MOB3B: variants seen among roughly 807,000 people sequenced by gnomAD.
MOB3B encodes the protein MOB kinase activator-like 2B.
In MOB3B, 7 loss-of-function variants were observed where a neutral mutation model predicts 18.7. The ratio of observed to expected loss-of-function variants is 0.37; its 90% confidence interval spans 0.21 to 0.70. MOB3B has a LOEUF of 0.70. Ranked by LOEUF, MOB3B falls within the 30% of genes least tolerant of loss-of-function variation. The pLI is 0.52. For synonymous variants in MOB3B, 111 were observed against 99.9 expected, an observed-to-expected ratio of 1.11 and a Z score of -0.66; for missense variants, 253 against 281.3, an observed-to-expected ratio of 0.90 and a Z score of 0.72.
chr9:27,430,644 G>T (rs1822404249), intron 2 of MOB3B, among the ~76,000 whole-genome samples: 1 of 152,076 alleles, frequency 6.6e-6, no homozygotes. Flanking sequence ...TAACTGAAAA[G>T]TTAAAGCCAA....
intron 1 of MOB3B, among the ~76,000 whole-genome samples, chr9:27,466,019 C>A (rs564625992): frequency 1.3e-5 from 2 of 152,330 alleles, no homozygotes; most frequent in Admixed American, 6.5e-5. Flanking sequence ...TAACATTAGG[C>A]TCCTTGCTCC....
At chr9:27,356,726 T>A (rs1308432683) in intron 3 of MOB3B, among the ~76,000 whole-genome samples, 2 of 152,168 alleles carry the variant, frequency 1.3e-5, no homozygotes, top group African/African-American at 4.8e-5. Context: ...AGAAGAGAAC[T>A]GAACTGAAAC....
intron 1 of MOB3B, among the ~76,000 whole-genome samples, chr9:27,500,288 C>T (rs1189714120): frequency 1.3e-5 from 2 of 152,066 alleles, no homozygotes; most frequent in South Asian, 2.1e-4. Context: ...AAAATTCCTT[C>T]GTAAAACTAC....
At chr9:27,465,541 G>A (rs1246859075) in intron 1 of MOB3B, among the ~76,000 whole-genome samples, 1 of 152,316 alleles carries the variant, frequency 6.6e-6, no homozygotes, top group African/African-American at 2.4e-5. Context: ...TCTTCTTACA[G>A]CTCCACCAAG....
At chr9:27,491,464 T>C (rs983898436) in intron 1 of MOB3B, among the ~76,000 whole-genome samples, 1 of 152,136 alleles carries the variant, frequency 6.6e-6, no homozygotes, top group Non-Finnish European at 1.5e-5. Context: ...CCATAATAAG[T>C]CTATTTTCTG....
In MOB3B at chr9:27,529,769, C is replaced by A. The variant is rs1426832610; in HGVS notation, c.-413G>T. On this transcript the variant is annotated 5_prime_UTR_variant, in exon 1 of 4. Transcript: ENST00000262244. ...TGCAGCCGCCGTCGCTCCGGAGCAG[C>A]CCCCTCATGCACCCAGCGCGCCGCG... The A allele has an allele frequency of 2.0e-6, 2 of 985,250 alleles. No homozygotes were observed. Among genetic ancestry groups the A allele is most frequent in the African/African-American group, 3.5e-5 (2 of 57,236 alleles). 61.0% of individuals were successfully genotyped at this position (985,250 alleles called of 1,614,324 possible). A position where few individuals can be genotyped will look rare whatever the true frequency, so the allele number is the denominator to read the frequency against.
chr9:27,419,655 T>G (rs763011556), intron 2 of MOB3B, among the ~76,000 whole-genome samples: 36 of 152,120 alleles, frequency 2.4e-4, no homozygotes, highest in Non-Finnish European at 4.7e-4. Flanking sequence ...AAAATCAACT[T>G]AAGACGGATT....
At position 27,325,555 on chromosome 9, in the gene MOB3B, A is replaced by C. The variant is rs1820698114; in HGVS notation, c.*5032T>G. ...CAGAATTAATACCTGTCCAGAGGGAAACAGCCTGTTATAAAAGCTTTCTGT... is the reference window on the plus strand; with the variant it reads ...CAGAATTAATACCTGTCCAGAGGGACACAGCCTGTTATAAAAGCTTTCTGT... On this transcript the variant is annotated 3_prime_UTR_variant, in exon 4 of 4. Transcript: ENST00000262244. The C allele has an allele frequency of 6.6e-6, 1 of 152,216 alleles. No homozygotes were observed. The highest frequency in any genetic ancestry group is 2.4e-5 in the African/African-American group (1 of 41,452). 9.4% of individuals were successfully genotyped at this position (152,216 alleles called of 1,614,324 possible). A position where few individuals can be genotyped will look rare whatever the true frequency, so the allele number is the denominator to read the frequency against.
At chr9:27,498,586 G>A (rs1819937174) in intron 1 of MOB3B, among the ~76,000 whole-genome samples, 1 of 152,198 alleles carries the variant, frequency 6.6e-6, no homozygotes, top group Admixed American at 6.5e-5. Context: ...CCTAATCTCT[G>A]AATTCAAATA....
chr9:27,478,887 A>G lies in MOB3B; in HGVS notation c.-198-23139T>C, dbSNP rs531745142. 2.6e-5 allele frequency among the ~76,000 whole-genome samples: 4 copies of G among 151,484 alleles called. No homozygotes were observed. In the South Asian group the frequency reaches 8.4e-4, roughly 32 times the overall value. On this transcript the variant is annotated intron_variant, in intron 1 of 3. Transcript: ENST00000262244. ...TGGCAGAACACTAGCACCAAAGAGAAAGTCATACAAGCAACCAGAGAGAAA... is the reference window on the plus strand; with the variant it reads ...TGGCAGAACACTAGCACCAAAGAGAGAGTCATACAAGCAACCAGAGAGAAA...
At chr9:27,424,441 C>T (rs1269998185) in intron 2 of MOB3B, among the ~76,000 whole-genome samples, 1 of 152,208 alleles carries the variant, frequency 6.6e-6, no homozygotes, top group Non-Finnish European at 1.5e-5. Context: ...TGAGTCATTT[C>T]AGAGCAATTG....
At chr9:27,481,960 T>TA (rs1331953091) in intron 1 of MOB3B, among the ~76,000 whole-genome samples, 1 of 151,950 alleles carries the variant, frequency 6.6e-6, no homozygotes, top group Non-Finnish European at 1.5e-5. Context: ...AATTTTTTTT[T>TA]AAAAAGCAAA....
chr9:27,519,525 A>G (rs571172223), intron 1 of MOB3B, among the ~76,000 whole-genome samples: 3 of 152,266 alleles, frequency 2.0e-5, no homozygotes, highest in South Asian at 4.1e-4. Flanking sequence ...CCTATTCCCT[A>G]TGAGCATTTA....
chr9:27,477,211 C>A (rs1052540023), intron 1 of MOB3B, among the ~76,000 whole-genome samples: 1 of 152,322 alleles, frequency 6.6e-6, no homozygotes, highest in Admixed American at 6.5e-5. Context: ...CACTCTTGCT[C>A]ACAGGAGTTG....
intron 2 of MOB3B, among the ~76,000 whole-genome samples, chr9:27,454,271 A>C (rs1419698409): frequency 6.6e-6 from 1 of 152,188 alleles, no homozygotes; most frequent in Admixed American, 6.5e-5. Flanking sequence ...CAGGGCTTTT[A>C]AATCATACTT....
chr9:27,444,945 C>T (rs1587219693), intron 2 of MOB3B, among the ~76,000 whole-genome samples: 1 of 152,186 alleles, frequency 6.6e-6, no homozygotes, highest in South Asian at 2.1e-4. Flanking sequence ...ATGTATCACT[C>T]TTAGTTGGTA....
At chr9:27,435,661 G>A (rs1486229339) in intron 2 of MOB3B, among the ~76,000 whole-genome samples, 13 of 152,004 alleles carry the variant, frequency 8.6e-5, no homozygotes, top group Admixed American at 6.6e-4. Context: ...GTGCAGTGGC[G>A]CTATCTCTAC....
intron 1 of MOB3B, among the ~76,000 whole-genome samples, chr9:27,507,924 T>G (rs1820084108): frequency 6.6e-6 from 1 of 152,266 alleles, no homozygotes; most frequent in Non-Finnish European, 1.5e-5. Flanking sequence ...AGCTGGTAAT[T>G]ACAATAATTC....
At chr9:27,512,660 G>A (rs4592116) in intron 1 of MOB3B, among the ~76,000 whole-genome samples, 4,924 of 152,190 alleles carry the variant, frequency 0.032, 107 homozygotes, top group Middle Eastern at 0.065. Flanking sequence ...AGTTTGTGTC[G>A]GAGAATTGGT....
Sources: gnomAD v4.1 joint callset for allele counts (sites outside exome capture counted in the v4.1 genomes callset) on GRCh38, gnomAD v4.1.1 for gene constraint, MANE v1.5 for transcripts, NCBI Gene and HGNC (gene_info 2026-07-23, HGNC 2026-07-21) for gene names.